The following KDM4B variants were observed in gnomAD, a reference collection of about 807,000 sequenced individuals.
The protein encoded by KDM4B is lysine-specific demethylase 4B.
In KDM4B, 32 loss-of-function variants were observed where a neutral mutation model predicts 125.2. The observed-to-expected ratio is 0.26, with a 90% CI of 0.19 to 0.34. The LOEUF is 0.34. KDM4B is among the 10% of genes least tolerant of loss of function. KDM4B has a pLI of 1.00. For synonymous variants in KDM4B, 721 were observed against 677.9 expected, an observed-to-expected ratio of 1.06 and a Z score of -0.99; for missense variants, 1,190 against 1,577.7, an observed-to-expected ratio of 0.75 and a Z score of 4.16.
chr19:5,019,935 G>A (rs1257069018), intron 2 of KDM4B, among the ~76,000 whole-genome samples: 1 of 136,616 alleles, frequency 7.3e-6, no homozygotes. Context: ...TGTGGGTGTT[G>A]GTGTGCAGGT....
At chr19:5,039,163 CCAGGGCG>C (rs1599474881) in intron 3 of KDM4B, among the ~76,000 whole-genome samples, 1 of 152,198 alleles carries the variant, frequency 6.6e-6, no homozygotes, top group East Asian at 1.9e-4. Context: ...AAATGCCTTA[CCAGGGCG>C]CAGTGGCTCA....
chr19:5,048,603 G>T (rs1003227791), intron 6 of KDM4B, among the ~76,000 whole-genome samples: 2 of 99,896 alleles, frequency 2.0e-5, no homozygotes, highest in Middle Eastern at 5.8e-3. Flanking sequence ...AGCGGGGAGA[G>T]GGGGGGGCGG....
intron 1 of KDM4B, among the ~76,000 whole-genome samples, chr19:5,009,605 C>G (rs1224979690): frequency 6.6e-6 from 1 of 152,232 alleles, no homozygotes; most frequent in Non-Finnish European, 1.5e-5. Flanking sequence ...ACTCACTGAA[C>G]TGTTGCAAAG....
rs549915397 is a variant in KDM4B at position 5,056,533 on chromosome 19, G to A, written c.626+8864G>A. Among the ~76,000 whole-genome samples the A allele has an allele frequency of 2.6e-5, 4 of 151,926 alleles. No homozygotes were observed. In the East Asian group the frequency reaches 7.7e-4, roughly 29 times the overall value. On this transcript the variant is annotated intron_variant, in intron 6 of 22. Coordinates refer to ENST00000159111, the MANE Select transcript of KDM4B (RefSeq NM_015015.3). ...CGATTCTCCTGCCTCAGCCTCACGA[G>A]TAGCTGAGATTACAGGTGCGTGCTG...
At chr19:5,077,496 C>T (rs369293957) in intron 8 of KDM4B, 26 bp downstream of exon 8, 19 of 1,587,388 alleles carry the variant, frequency 1.2e-5, no homozygotes, top group Non-Finnish European at 1.6e-5. Context: ...GCCTGCACGC[C>T]TGTGGGTGAA....
At chr19:5,021,191 G>A (rs1268800433) in intron 2 of KDM4B, among the ~76,000 whole-genome samples, 6 of 151,988 alleles carry the variant, frequency 3.9e-5, no homozygotes, top group African/African-American at 9.7e-5. Context: ...GGCTTCGGGC[G>A]GCCCTGTGTC....
chr19:4,969,674 C>A (rs1344194460), intron 1 of KDM4B, among the ~76,000 whole-genome samples: 1 of 152,046 alleles, frequency 6.6e-6, no homozygotes, highest in Non-Finnish European at 1.5e-5. Context: ...GACCCCAGCC[C>A]CTGGGTAACC....
chr19:5,029,701 C>G (rs1206555566), intron 2 of KDM4B, among the ~76,000 whole-genome samples: 1 of 152,194 alleles, frequency 6.6e-6, no homozygotes. Flanking sequence ...GTGGCACACA[C>G]CTGTGGTCCC....
At chr19:4,992,428 A>G (rs1599370880) in intron 1 of KDM4B, among the ~76,000 whole-genome samples, 1 of 151,420 alleles carries the variant, frequency 6.6e-6, no homozygotes, top group African/African-American at 2.4e-5. Flanking sequence ...CCCTCTAAGT[A>G]CTGCTTTAGC....
intron 6 of KDM4B, among the ~76,000 whole-genome samples, chr19:5,059,615 G>A (rs1463065354): frequency 6.6e-6 from 1 of 152,218 alleles, no homozygotes; most frequent in Non-Finnish European, 1.5e-5. Flanking sequence ...CGGCCTGTGT[G>A]TGAGACAGTT....
intron 2 of KDM4B, among the ~76,000 whole-genome samples, chr19:5,032,399 G>A (rs1434060033): frequency 6.6e-6 from 1 of 152,206 alleles, no homozygotes; most frequent in East Asian, 1.9e-4. Flanking sequence ...CCACAGGCCT[G>A]CTCCGAGGGG....
intron 2 of KDM4B, among the ~76,000 whole-genome samples, chr19:5,020,141 GTTGGTGTGCAGGTGTTGGTGTGGA>G (rs1365596036): frequency 1.7e-4 from 19 of 111,006 alleles, no homozygotes; most frequent in Admixed American, 9.2e-4. Context: ...TGGTGTGGAT[GTTGGTGTGCAGGTGTTGGTGTGGA>G]TGTTGGTGTG....
chr19:4,973,516 G>A (rs1168470850), intron 1 of KDM4B, among the ~76,000 whole-genome samples: 11 of 152,000 alleles, frequency 7.2e-5, no homozygotes, highest in Admixed American at 5.9e-4. Flanking sequence ...ACTAATTCGC[G>A]TTCAAATGAG....
At chr19:5,072,491 C>T (rs374379345) in intron 7 of KDM4B, among the ~76,000 whole-genome samples, 3 of 152,116 alleles carry the variant, frequency 2.0e-5, no homozygotes, top group African/African-American at 2.4e-5. Context: ...CTTAGGAGCA[C>T]GCTTCTGGTA....
chr19:5,044,186 A>G (rs60990691), intron 5 of KDM4B, among the ~76,000 whole-genome samples: 2 of 50,130 alleles, frequency 4.0e-5, no homozygotes, highest in Non-Finnish European at 7.4e-5. Flanking sequence ...ACCTTATCCC[A>G]CGCGGTGTTT....
intron 1 of KDM4B, among the ~76,000 whole-genome samples, chr19:5,015,704 A>G (rs2035871418): frequency 6.6e-6 from 1 of 152,176 alleles, no homozygotes; most frequent in Non-Finnish European, 1.5e-5. Flanking sequence ...TAAAAATAAA[A>G]AAGTCTTGGT....
chr19:5,034,598 GGCCC>G (rs1338708199), intron 3 of KDM4B, among the ~76,000 whole-genome samples: 24 of 152,166 alleles, frequency 1.6e-4, no homozygotes, highest in Admixed American at 2.6e-4. Flanking sequence ...GGGCTGATTC[GGCCC>G]GAGGGCCGCA....
intron 12 of KDM4B, 146 bp downstream of exon 12, chr19:5,131,691 A>T: frequency 3.0e-6 from 1 of 328,810 alleles, no homozygotes; most frequent in East Asian, 4.3e-5. Flanking sequence ...TTTCACAGGG[A>T]ACTGTGGCTC....
chr19:5,141,718 C>T lies in KDM4B; in HGVS notation c.2551-2249C>T, dbSNP rs1015235776. On this transcript the variant is annotated intron_variant, in intron 18 of 22. Coordinates refer to ENST00000159111, the MANE Select transcript of KDM4B (RefSeq NM_015015.3). The surrounding 1 kb of genome is among the most constrained non-coding windows in gnomAD (Gnocchi z 6.4). ...TGAGTCAGGGGGCTCCGGCTGGCCG[C>T]CCGCCTGGGCCAAGTTATCACCACG... is the stretch of plus-strand genomic sequence containing the variant. Among the ~76,000 whole-genome samples, 1 of 152,234 alleles carries T rather than the reference C, an allele frequency of 6.6e-6. No individual in the cohort carries two copies. The highest frequency in any genetic ancestry group is 1.5e-5 in the Non-Finnish European group (1 of 68,042).
Sources: gnomAD v4.1 joint callset for allele counts (sites outside exome capture counted in the v4.1 genomes callset) on GRCh38, gnomAD v4.1.1 for gene constraint, Gnocchi (gnomAD v3.1) non-coding constraint, MANE v1.5 for transcripts, NCBI Gene and HGNC (gene_info 2026-07-23, HGNC 2026-07-21) for gene names.